GLYATL1: variants seen among roughly 807,000 people sequenced by gnomAD.
GLYATL1 encodes the protein glycine N-acyltransferase-like protein 1.
In GLYATL1, 15 loss-of-function variants were observed where a neutral mutation model predicts 20.0. The observed-to-expected ratio is 0.75, with a 90% CI of 0.50 to 1.15. The LOEUF is 1.15. Ranked by LOEUF, GLYATL1 falls within the 50% of genes most tolerant of loss-of-function variation. The pLI is 0.00. For synonymous variants in GLYATL1, 151 were observed against 131.5 expected (o/e 1.15, Z -1.01); for missense variants, 380 against 368.5 (o/e 1.03, Z -0.26).
chr11:58,922,626 G>A (rs1855336570), intron 1 of GLYATL1, among the ~76,000 whole-genome samples: 1 of 152,170 alleles, frequency 6.6e-6, no homozygotes, highest in African/African-American at 2.4e-5. Flanking sequence ...GGTAAAGGGT[G>A]GTAGATTGGA....
chr11:58,937,205 G>A (rs112838302), upstream of GLYATL1, among the ~76,000 whole-genome samples: 15 of 152,264 alleles, frequency 9.9e-5, no homozygotes, highest in South Asian at 8.3e-4. Flanking sequence ...GCAGTGCAAG[G>A]TCCTCTGACT....
At chr11:58,925,740 A>C (rs1417546067), upstream of GLYATL1, among the ~76,000 whole-genome samples, 1 of 152,218 alleles carries the variant, frequency 6.6e-6, no homozygotes, top group Non-Finnish European at 1.5e-5. Context: ...CAGCTGATTG[A>C]AATTTGTCAT....
At chr11:58,953,986 AC>A (rs1156391672) in intron 4 of GLYATL1, among the ~76,000 whole-genome samples, 6 of 152,272 alleles carry the variant, frequency 3.9e-5, no homozygotes, top group South Asian at 4.2e-4. Context: ...CACATAAATT[AC>A]CCAGAGAGCT....
At chr11:58,921,944 C>T (rs913995118) in intron 1 of GLYATL1, among the ~76,000 whole-genome samples, 8 of 152,174 alleles carry the variant, frequency 5.3e-5, no homozygotes, top group Non-Finnish European at 1.0e-4. Flanking sequence ...AACTGGAATG[C>T]CTCACAGAGT....
upstream of GLYATL1, among the ~76,000 whole-genome samples, chr11:58,936,714 T>C (rs911154661): frequency 6.6e-6 from 1 of 152,218 alleles, no homozygotes; most frequent in Non-Finnish European, 1.5e-5. Context: ...AAAGTTTTGT[T>C]TTTCTCTTCC....
chr11:58,939,239 G>A (rs538678), upstream of GLYATL1, among the ~76,000 whole-genome samples: 1 of 151,934 alleles, frequency 6.6e-6, no homozygotes, highest in Non-Finnish European at 1.5e-5. Context: ...TCCTTAGGTC[G>A]CCTGAGTTCC....
At chr11:58,911,180 A>G (rs1403725501), downstream of GLYATL1, among the ~76,000 whole-genome samples, 1 of 152,184 alleles carries the variant, frequency 6.6e-6, no homozygotes, top group Non-Finnish European at 1.5e-5. Context: ...TTGCTGAGTA[A>G]CATTCCACTG....
Position 58,947,863 on chromosome 11 carries a change from T to C in GLYATL1, c.84T>C (p.Tyr28=). The change falls in exon 4 of 7, where the codon TAT becomes TAC. Residue 28 remains tyrosine, a synonymous_variant. Transcript: ENST00000532726. ...CCCTTTCATCCCTCCTTCAGGTGTA[T>C]GGCTCTGTGTATCACATCAATCACG... is the stretch of plus-strand genomic sequence containing the variant. ...ARSIPESLKV[Y]GSVYHINHGN... is the part of the protein sequence containing the mutation. The C allele has an allele frequency of 1.9e-5, 30 of 1,610,684 alleles. No homozygotes were observed. Among genetic ancestry groups the C allele is most frequent in the Non-Finnish European group, 2.5e-5 (29 of 1,176,868 alleles).
intron 1 of GLYATL1, chr11:58,905,665 C>G: frequency 2.2e-6 from 1 of 451,880 alleles, no homozygotes; most frequent in Non-Finnish European, 4.4e-6. Flanking sequence ...TATCCTGGTA[C>G]GCGGGAACTG....
rs144071638 is a variant in GLYATL1, at chr11:58,955,823, G to A, written c.705G>A (p.Met235Ile). The change falls in exon 7 of 7, where the codon ATG becomes ATA. Residue 235 changes from methionine (M) to isoleucine (I), a missense_variant. By Grantham distance (10) the Met-to-Ile change is conservative. Transcript: ENST00000532726. ...GTGAAGTAGGAATGGCCTACAGCAT[G>A]GAAAAATACCGAAGGACAGGCAACA... Reference protein sequence around the residue: ...PSCEVGMAYSMEKYRRTGNMA... With the variant: ...PSCEVGMAYSIEKYRRTGNMA... 1.9e-6 allele frequency: 3 copies of A among 1,614,080 alleles called. No homozygotes were observed. Among genetic ancestry groups the A allele is most frequent in the East Asian group, 2.2e-5 (1 of 44,892 alleles).
At chr11:58,911,138 T>C (rs896854903), downstream of GLYATL1, among the ~76,000 whole-genome samples, 1 of 152,194 alleles carries the variant, frequency 6.6e-6, no homozygotes, top group Non-Finnish European at 1.5e-5. Flanking sequence ...TCATGAGTAT[T>C]GTTGCATGCA....
At position 58,907,468 on chromosome 11, in the gene GLYATL1, C is replaced by T. The variant is rs373701966; in HGVS notation, n.466C>T. 1,221 of 308,434 alleles carry T rather than the reference C, an allele frequency of 4.0e-3. 11 individuals are homozygous for T. The African/African-American group carries it at 0.045, about 11-fold the overall frequency. The allele number at this position is 308,434 out of a possible 1,614,324, so 19.1% of individuals were successfully genotyped here. A position where few individuals can be genotyped will look rare whatever the true frequency, so the allele number is the denominator to read the frequency against. On this transcript the variant is annotated non_coding_transcript_exon_variant, in exon 2 of 2. Transcript: ENST00000524629. ...TTGCAAACCATTATTTCATGTATTT[C>T]GCTCTTTTTTGTTTGTTTTGTTTTG...
intron 1 of GLYATL1, among the ~76,000 whole-genome samples, chr11:58,930,166 C>T (rs1257357715): frequency 6.6e-6 from 1 of 152,154 alleles, no homozygotes; most frequent in African/African-American, 2.4e-5. Context: ...AAAGGGCTTA[C>T]TTTATCTTGG....
At chr11:58,927,789 G>A (rs928188784) in exon 1 of GLYATL1, 3 of 152,182 alleles carry the variant, frequency 2.0e-5, no homozygotes, top group Admixed American at 6.5e-5. Context: ...TAACTGTAGT[G>A]TATCCTCTGC....
intron 1 of GLYATL1, chr11:58,928,261 G>A (rs988359731): frequency 6.6e-6 from 1 of 152,128 alleles, no homozygotes; most frequent in East Asian, 1.9e-4. Context: ...TGAAATCTCA[G>A]CTTGAACCAA....
At position 58,955,266 on chromosome 11, in the gene GLYATL1, C is replaced by T. The variant is rs757759933; in HGVS notation, c.404C>T (p.Thr135Met). 63 of 1,614,006 alleles carry T rather than the reference C, an allele frequency of 3.9e-5. No individual in the cohort carries two copies. Among genetic ancestry groups the T allele is most frequent in the Non-Finnish European group, 4.7e-5 (55 of 1,179,904 alleles). ...VEHSRALLLV[T>M]EDILKLNASS... ...CATTCGAGAGCACTCCTCTTGGTTA[C>T]GGAAGATATTCTGAAGCTCAATGCC... Residue 135 changes from threonine to methionine, a missense_variant, in exon 6 of 7, where the codon ACG becomes ATG. Transcript: ENST00000532726.
At chr11:58,929,442 A>G (rs1021463261) in intron 1 of GLYATL1, among the ~76,000 whole-genome samples, 1 of 152,168 alleles carries the variant, frequency 6.6e-6, no homozygotes, top group South Asian at 2.1e-4. Context: ...CCAACCTTGC[A>G]TAACTGGTAT....
intron 1 of GLYATL1, among the ~76,000 whole-genome samples, chr11:58,921,288 TAG>T (rs1855302511): frequency 6.6e-6 from 1 of 152,194 alleles, no homozygotes; most frequent in Non-Finnish European, 1.5e-5. Flanking sequence ...AGTTCTTGGA[TAG>T]TGGCCTTATA....
downstream of GLYATL1, among the ~76,000 whole-genome samples, chr11:58,911,484 A>G (rs1020301353): frequency 6.6e-6 from 1 of 152,224 alleles, no homozygotes; most frequent in Non-Finnish European, 1.5e-5. Context: ...TATACTTGTC[A>G]ACACAAAGCT....
Sources: allele counts gnomAD v4.1 joint callset (sites outside exome capture counted in the v4.1 genomes callset), GRCh38; gene constraint gnomAD v4.1.1; transcripts MANE v1.5; gene names NCBI Gene and HGNC (gene_info 2026-07-23, HGNC 2026-07-21).